Variants in MTMR7 observed in about 807,000 individuals in gnomAD.
The protein encoded by MTMR7 is phosphatidylinositol-3-phosphate phosphatase MTMR7.
Under a neutral mutation model 81.2 loss-of-function variants are expected in MTMR7, and 76 were observed. The observed-to-expected ratio is 0.94, with a 90% CI of 0.78 to 1.13. MTMR7 has a LOEUF of 1.13. Ranked by LOEUF, MTMR7 falls within the 50% of genes most tolerant of loss-of-function variation. MTMR7 has a pLI of 0.00. For synonymous variants in MTMR7, 372 were observed against 289.8 expected, an observed-to-expected ratio of 1.28 and a Z score of -2.88; for missense variants, 1,044 against 820.0, an observed-to-expected ratio of 1.27 and a Z score of -3.34.
At chr8:17,363,687 G>A (rs1820125586) in intron 3 of MTMR7, among the ~76,000 whole-genome samples, 1 of 151,906 alleles carries the variant, frequency 6.6e-6, no homozygotes, top group Non-Finnish European at 1.5e-5. Flanking sequence ...GCCCATTTTT[G>A]TCAGCCAACA....
At chr8:17,304,715 A>G (rs906742371) in intron 11 of MTMR7, among the ~76,000 whole-genome samples, 196 bp from the exon 12 acceptor site, 5 of 138,938 alleles carry the variant, frequency 3.6e-5, no homozygotes, top group Admixed American at 7.1e-5. Flanking sequence ...CTTCACCACC[A>G]TCTGTACTGG....
chr8:17,366,625 G>T (rs1379151164), intron 3 of MTMR7, among the ~76,000 whole-genome samples: 1 of 152,122 alleles, frequency 6.6e-6, no homozygotes, highest in African/African-American at 2.4e-5. Flanking sequence ...GGTGGCTCAC[G>T]CCTGTAATCC....
At chr8:17,314,207 G>A (rs554599388) in intron 7 of MTMR7, among the ~76,000 whole-genome samples, 2 of 152,286 alleles carry the variant, frequency 1.3e-5, no homozygotes, top group East Asian at 3.9e-4. Context: ...CAAAGTGGAG[G>A]TTTAGACCTA....
chr8:17,391,624 T>A (rs1297960794), intron 1 of MTMR7, among the ~76,000 whole-genome samples: 1 of 152,162 alleles, frequency 6.6e-6, no homozygotes, highest in African/African-American at 2.4e-5. Flanking sequence ...CTACCACTAC[T>A]CAAACTGGGT....
chr8:17,349,920 C>G (rs1563351749), intron 4 of MTMR7, among the ~76,000 whole-genome samples: 1 of 152,164 alleles, frequency 6.6e-6, no homozygotes, highest in Non-Finnish European at 1.5e-5. Flanking sequence ...CTACACGGTG[C>G]ACTGTGGTTT....
intron 3 of MTMR7, among the ~76,000 whole-genome samples, chr8:17,369,641 C>CTTTTTT (rs71212689): frequency 2.7e-4 from 29 of 106,246 alleles, no homozygotes; most frequent in Non-Finnish European, 3.2e-4. Flanking sequence ...TTCTTTTTTT[C>CTTTTTT]TTTTTTTTTT....
intron 10 of MTMR7, 50 bp from the exon 11 acceptor site, chr8:17,306,007 T>C: frequency 6.8e-7 from 1 of 1,465,968 alleles, no homozygotes; most frequent in Non-Finnish European, 9.4e-7. Flanking sequence ...ATTTTTAAAG[T>C]ACAAAGCCAT....
rs568583193 is a variant in MTMR7, at chr8:17,384,047, G to A, written c.25-10807C>T. On this transcript the variant is annotated intron_variant, in intron 1 of 13. Transcript: ENST00000180173. The stretch of plus-strand genomic sequence containing the variant: ...TGGAGTTCAGAGTTCCTGGACAAAT[G>A]ATCCCATCTGTAACTAACTGCATGT... 3.3e-5 allele frequency among the ~76,000 whole-genome samples: 5 copies of A among 152,236 alleles called. 1 individual carries two copies. In the South Asian group the frequency reaches 8.3e-4, roughly 25 times the overall value.
At chr8:17,347,656 C>A (rs555486760) in intron 5 of MTMR7, among the ~76,000 whole-genome samples, 1 of 152,226 alleles carries the variant, frequency 6.6e-6, no homozygotes, top group Non-Finnish European at 1.5e-5. Context: ...TTTAAACCAC[C>A]TTTTTTAAAG....
Position 17,341,426 on chromosome 8 carries a change from GA to G in MTMR7, c.668del (p.Leu223ProfsTer51). On this transcript the variant is annotated frameshift_variant, in exon 6 of 14. Transcript: ENST00000180173. LOFTEE classifies it high-confidence loss of function. ...CTGGATTGGCTTTCCTAATGGCCTG[GA>G]GCATCTGCTCGTCCTCTAGGCACCG... is the stretch of plus-strand genomic sequence containing the variant. ...SARCLEDEQMLQAIRKANPGS... is the reference protein window; with the variant it reads ...SARCLEDEQMXQAIRKANPGS... 1 of 1,614,172 alleles carries G rather than the reference GA, an allele frequency of 6.2e-7. No individual in the cohort carries two copies. The highest frequency in any genetic ancestry group is 8.5e-7 in the Non-Finnish European group (1 of 1,180,040).
intron 1 of MTMR7, among the ~76,000 whole-genome samples, chr8:17,408,838 G>A (rs745706405): frequency 6.6e-6 from 1 of 152,090 alleles, no homozygotes; most frequent in Non-Finnish European, 1.5e-5. Context: ...CTACTAATGG[G>A]CTAACTACTA....
intron 1 of MTMR7, among the ~76,000 whole-genome samples, chr8:17,386,617 T>C (rs936063141): frequency 1.4e-5 from 2 of 148,138 alleles, no homozygotes; most frequent in East Asian, 3.9e-4. Context: ...TGGGCCCTCA[T>C]TGCTGGCTCT....
At chr8:17,308,917 C>T (rs1227306886) in intron 10 of MTMR7, among the ~76,000 whole-genome samples, 2 of 152,160 alleles carry the variant, frequency 1.3e-5, no homozygotes, top group Non-Finnish European at 2.9e-5. Flanking sequence ...AACTGTTCCA[C>T]GGGCAGTTCA....
intron 2 of MTMR7, among the ~76,000 whole-genome samples, chr8:17,371,644 A>C (rs1024460097): frequency 6.6e-6 from 1 of 152,190 alleles, no homozygotes; most frequent in Non-Finnish European, 1.5e-5. Flanking sequence ...GTTCTGTATC[A>C]ACATGGGATT....
chr8:17,394,791 C>A lies in MTMR7; in HGVS notation c.24+18478G>T, dbSNP rs1821202451. On this transcript the variant is annotated intron_variant, in intron 1 of 13. Transcript: ENST00000180173. ...TCTGACATCAGACCCACAATGCCAC[C>A]CACTGTCATGCTAATAGTTGATATA... is the stretch of plus-strand genomic sequence containing the variant. Among the ~76,000 whole-genome samples, 3 of 151,712 alleles carry A rather than the reference C, an allele frequency of 2.0e-5. No homozygotes were observed. In the Admixed American group the frequency reaches 2.0e-4, roughly 10 times the overall value.
In MTMR7 at chr8:17,322,950, CT is replaced by C. The variant is rs58584179; in HGVS notation, c.865+8199del. 3.9e-3 allele frequency among the ~76,000 whole-genome samples: 488 copies of C among 125,736 alleles called. 8 individuals carry two copies. Among genetic ancestry groups the C allele is most frequent in the African/African-American group, 0.011 (346 of 31,864 alleles). The allele number at this position is 125,736 out of a possible 152,430, so 82.5% of individuals were successfully genotyped here. On this transcript the variant is annotated intron_variant, in intron 7 of 13. Coordinates refer to ENST00000180173, the MANE Select transcript of MTMR7 (RefSeq NM_004686.5). The stretch of plus-strand genomic sequence containing the variant: ...TCCCATCTAGAGTGGATTGAATTAT[CT>C]TTTTTTTTTTTTTTTTGAGACAGTC...
intron 7 of MTMR7, among the ~76,000 whole-genome samples, chr8:17,321,799 AG>A: frequency 6.6e-6 from 1 of 152,344 alleles, no homozygotes; most frequent in Non-Finnish European, 1.5e-5. Flanking sequence ...GCCCAGGTCT[AG>A]TGATATTTGT....
chr8:17,370,977 A>C, intron 3 of MTMR7, 60 bp downstream of exon 3: 1 of 1,549,720 alleles, frequency 6.5e-7, no homozygotes. Context: ...AAATTCTTGA[A>C]TCTGATTTGC....
At chr8:17,372,691 G>A (rs898457299) in intron 2 of MTMR7, among the ~76,000 whole-genome samples, 1 of 152,108 alleles carries the variant, frequency 6.6e-6, no homozygotes. Flanking sequence ...AGCTCCTCTA[G>A]ATTTTCTTTC....
Sources: gnomAD v4.1 joint callset for allele counts (sites outside exome capture counted in the v4.1 genomes callset) on GRCh38, gnomAD v4.1.1 for gene constraint, MANE v1.5 for transcripts, NCBI Gene and HGNC (gene_info 2026-07-23, HGNC 2026-07-21) for gene names.